TANK: variants seen among roughly 807,000 people sequenced by gnomAD.
TANK encodes TRAF family member associated NFKB activator.
Under a neutral mutation model 43.6 loss-of-function variants are expected in TANK, and 15 were observed. The observed-to-expected ratio is 0.34, with a 90% confidence interval of 0.23 to 0.53. The LOEUF (loss-of-function observed/expected upper bound fraction) is 0.53. Ranked by LOEUF, TANK falls within the 20% of genes least tolerant of loss-of-function variation. The pLI, the probability that TANK is intolerant of heterozygous loss-of-function variation, is 0.94. For synonymous variants in TANK, 162 were observed against 178.2 expected (o/e 0.91, Z 0.73); for missense variants, 417 against 498.6 (o/e 0.84, Z 1.56).
intron 1 of TANK, chr2:161,163,489 T>A (rs1000922576): frequency 6.6e-6 from 1 of 152,204 alleles, no homozygotes; most frequent in African/African-American, 2.4e-5. Context: ...GTCTTGCTAT[T>A]CTTTCTCTTC....
chr2:161,200,411 A>G, intron 2 of TANK: 3 of 979,290 alleles, frequency 3.1e-6, no homozygotes, highest in Non-Finnish European at 3.6e-6. Context: ...ATTTAATCAA[A>G]TGAAAAAAAA....
intron 1 of TANK, among the ~76,000 whole-genome samples, chr2:161,170,739 C>T (rs188535200): frequency 5.9e-5 from 9 of 152,260 alleles, no homozygotes; most frequent in South Asian, 4.1e-4. Context: ...CCTGACTCTA[C>T]GCCAAGATTC....
At chr2:161,185,159 T>C (rs937254525) in intron 2 of TANK, among the ~76,000 whole-genome samples, 1 of 151,974 alleles carries the variant, frequency 6.6e-6, no homozygotes, top group Non-Finnish European at 1.5e-5. Context: ...TAATAAAAAC[T>C]ACTCTACAAG....
intron 2 of TANK, among the ~76,000 whole-genome samples, chr2:161,202,196 T>TG (rs1686447265): frequency 7.0e-6 from 1 of 143,462 alleles, no homozygotes; most frequent in Non-Finnish European, 1.5e-5. Flanking sequence ...TTTTTTTTTT[T>TG]TTTTTTTTTT....
chr2:161,232,979 A>G (rs1043838431), intron 7 of TANK: 1 of 973,354 alleles, frequency 1.0e-6, no homozygotes, highest in Non-Finnish European at 1.4e-6. Flanking sequence ...GATGGAAAGA[A>G]TATTTCTTAA....
At chr2:161,177,432 A>T (rs1685218506) in intron 1 of TANK, among the ~76,000 whole-genome samples, 1 of 152,132 alleles carries the variant, frequency 6.6e-6, no homozygotes, top group East Asian at 1.9e-4. Flanking sequence ...AGGGCTATTC[A>T]TGGGAAAAGA....
At chr2:161,151,151 T>C (rs1684069159) in intron 1 of TANK, among the ~76,000 whole-genome samples, 1 of 152,224 alleles carries the variant, frequency 6.6e-6, no homozygotes, top group African/African-American at 2.4e-5. Context: ...CTTTGTATGA[T>C]TTCAATCTTT....
rs377364391 is a variant in TANK, at chr2:161,181,994, G to T, written c.99+2233G>T. 4.6e-5 allele frequency among the ~76,000 whole-genome samples: 7 copies of T among 152,070 alleles called. No homozygotes were observed. In the East Asian group the frequency reaches 9.7e-4, roughly 21 times the overall value. ...TATTTTGGAAAAATTCTCGAACCTT[G>T]TTTTTCCTCTAATCTCACACAACAA... is the stretch of plus-strand genomic sequence containing the variant. On this transcript the variant is annotated intron_variant, in intron 2 of 7. Transcript: ENST00000392749.
chr2:161,180,093 C>G (rs940595813), intron 2 of TANK: 36 of 1,013,904 alleles, frequency 3.6e-5, no homozygotes, highest in Middle Eastern at 4.8e-4. Context: ...ACAGAAGTAT[C>G]ACTGTCTCCA....
intron 1 of TANK, among the ~76,000 whole-genome samples, chr2:161,172,509 G>A (rs1018803455): frequency 2.0e-5 from 3 of 152,130 alleles, no homozygotes; most frequent in Admixed American, 6.5e-5. Flanking sequence ...AGATAATTAT[G>A]CAGGTGATGC....
chr2:161,147,473 C>A (rs1156494565), intron 1 of TANK, among the ~76,000 whole-genome samples: 2 of 152,142 alleles, frequency 1.3e-5, no homozygotes, highest in African/African-American at 4.8e-5. Flanking sequence ...GATCTTCTGA[C>A]CTGTGGGTTG....
Position 161,219,554 on chromosome 2 carries a change from T to G in TANK, c.328-4361T>G, listed in dbSNP as rs139971263. On this transcript the variant is annotated intron_variant, in intron 4 of 7. Transcript: ENST00000392749. ...AGATTTTATATGGCCGTAAGTTCTT[T>G]TAGATTAAATACAATATTCTATTTT... 2.7e-3 allele frequency among the ~76,000 whole-genome samples: 413 copies of G among 152,342 alleles called. 3 individuals are homozygous for G. Among genetic ancestry groups the G allele is most frequent in the African/African-American group, 9.7e-3 (404 of 41,596 alleles).
intron 4 of TANK, chr2:161,211,811 G>A (rs766936167): frequency 2.2e-5 from 22 of 985,284 alleles, no homozygotes; most frequent in Non-Finnish European, 2.3e-5. Flanking sequence ...AGAAAAACGT[G>A]TTTGTGTGTA....
At chr2:161,163,337 G>A (rs569169024) in intron 1 of TANK, 3 of 152,258 alleles carry the variant, frequency 2.0e-5, no homozygotes, top group Non-Finnish European at 4.4e-5. Context: ...AAATACAATT[G>A]AATGAAAGAG....
upstream of TANK, among the ~76,000 whole-genome samples, chr2:161,159,851 C>A (rs975456864): frequency 6.6e-6 from 1 of 152,208 alleles, no homozygotes; most frequent in Admixed American, 6.5e-5. Context: ...AGCCATTCCT[C>A]TTTAACAAAT....
At position 161,231,084 on chromosome 2, in the gene TANK, G is replaced by A. The variant is rs1687889264; in HGVS notation, c.634G>A (p.Val212Ile). Residue 212 changes from valine to isoleucine, a missense_variant, in exon 7 of 8, where the codon GTC becomes ATC. Coordinates refer to ENST00000392749, the MANE Select transcript of TANK (RefSeq NM_001199135.3). The part of the protein sequence containing the change: ...INRGAPSITS[V>I]TPRGLCRDEE... ...TAGAGGTGCACCATCCATCACATCT[G>A]TCACACCAAGAGGACTGTGCAGAGA... 6.2e-7 allele frequency: 1 copy of A among 1,614,006 alleles called. No individual in the cohort carries two copies. The highest frequency in any genetic ancestry group is 1.3e-5 in the African/African-American group (1 of 74,916).
At chr2:161,151,612 A>G (rs1467378725) in intron 1 of TANK, among the ~76,000 whole-genome samples, 1 of 152,132 alleles carries the variant, frequency 6.6e-6, no homozygotes, top group African/African-American at 2.4e-5. Flanking sequence ...TACTGTTTGC[A>G]TGAAAAATCT....
intron 1 of TANK, among the ~76,000 whole-genome samples, chr2:161,153,679 C>A (rs1359230529): frequency 7.2e-6 from 1 of 138,466 alleles, no homozygotes; most frequent in East Asian, 2.2e-4. Context: ...AACAGTGAGG[C>A]CCTGTCTCAA....
At chr2:161,184,182 G>A (rs1456807279) in intron 2 of TANK, among the ~76,000 whole-genome samples, 1 of 152,122 alleles carries the variant, frequency 6.6e-6, no homozygotes, top group African/African-American at 2.4e-5. Context: ...ACCTGTAAAG[G>A]TAGATTAGTA....
Sources: allele counts gnomAD v4.1 joint callset (sites outside exome capture counted in the v4.1 genomes callset), GRCh38; gene constraint gnomAD v4.1.1; transcripts MANE v1.5; gene names NCBI Gene and HGNC (gene_info 2026-07-23, HGNC 2026-07-21).